The following SCFD2 variants were observed in gnomAD, a reference collection of about 807,000 sequenced individuals.
The protein encoded by SCFD2 is sec1 family domain-containing protein 2.
A neutral mutation model predicts 58.9 loss-of-function variants in SCFD2; 54 were observed. The ratio of observed to expected loss-of-function variants is 0.92; its 90% CI spans 0.74 to 1.15. The LOEUF (loss-of-function observed/expected upper bound fraction) is 1.15. Among genes scored for constraint, SCFD2 ranks in the 50% most tolerant of loss-of-function variants. The pLI is 0.00. For synonymous variants in SCFD2, 321 were observed against 335.9 expected, an observed-to-expected ratio of 0.96 and a Z score of 0.49; for missense variants, 805 against 836.6, an observed-to-expected ratio of 0.96 and a Z score of 0.47.
chr4:52,959,185 T>A (rs1263293632), intron 5 of SCFD2, among the ~76,000 whole-genome samples: 1 of 152,134 alleles, frequency 6.6e-6, no homozygotes, highest in Non-Finnish European at 1.5e-5. Context: ...GGACAGGGTG[T>A]CAAGAGGCTT....
At chr4:53,096,310 T>G (rs1046995390) in intron 5 of SCFD2, among the ~76,000 whole-genome samples, 2 of 152,214 alleles carry the variant, frequency 1.3e-5, no homozygotes, top group African/African-American at 4.8e-5. Context: ...TCCACAATGG[T>G]TGAACTAGTT....
intron 4 of SCFD2, among the ~76,000 whole-genome samples, chr4:53,181,398 C>A (rs1269865661): frequency 2.0e-5 from 3 of 152,138 alleles, no homozygotes; most frequent in Non-Finnish European, 4.4e-5. Context: ...GAACCAAAGA[C>A]AAAAACCACA....
chr4:52,982,329 G>A (rs1181490249), intron 5 of SCFD2, among the ~76,000 whole-genome samples: 2 of 152,180 alleles, frequency 1.3e-5, no homozygotes, highest in Admixed American at 1.3e-4. Context: ...TAGTTTGACT[G>A]CATAATGAAT....
chr4:53,323,323 C>G (rs546265915), intron 2 of SCFD2, among the ~76,000 whole-genome samples: 1 of 152,250 alleles, frequency 6.6e-6, no homozygotes, highest in African/African-American at 2.4e-5. Flanking sequence ...AACTACAGAA[C>G]AGTGTTGAAG....
intron 8 of SCFD2, among the ~76,000 whole-genome samples, chr4:52,881,206 T>A (rs1718602113): frequency 6.6e-6 from 1 of 152,258 alleles, no homozygotes. Flanking sequence ...CTATGTTTCA[T>A]GCTATTCTTG....
In SCFD2 at chr4:52,873,627, CT is replaced by C. The variant is rs752493109; in HGVS notation, c.*341del. 3 of 181,660 alleles carry C rather than the reference CT, an allele frequency of 1.7e-5. No homozygotes were observed. Among genetic ancestry groups the C allele is most frequent in the Non-Finnish European group, 3.4e-5 (3 of 87,072 alleles). 11.3% of individuals were successfully genotyped at this position (181,660 alleles called of 1,614,324 possible). A position where few individuals can be genotyped will look rare whatever the true frequency, so the allele number is the denominator to read the frequency against. On this transcript the variant is annotated 3_prime_UTR_variant, in exon 9 of 9. Transcript: ENST00000401642. ...TAAAAAGAGTTGTAATCTACCAACA[CT>C]TGCCAACAGGCTTTTATTTAGAACT...
chr4:53,106,746 C>T (rs1291998022), intron 5 of SCFD2, among the ~76,000 whole-genome samples: 3 of 152,030 alleles, frequency 2.0e-5, no homozygotes, highest in African/African-American at 7.2e-5. Flanking sequence ...TTTGATTGTA[C>T]CTGAAAGTGT....
At chr4:53,248,484 A>C (rs541198119) in intron 4 of SCFD2, among the ~76,000 whole-genome samples, 1 of 152,348 alleles carries the variant, frequency 6.6e-6, no homozygotes, top group East Asian at 1.9e-4. Context: ...ACAGACAAAC[A>C]AAAAGACAGC....
chr4:53,241,186 A>G (rs1324616970), intron 4 of SCFD2, among the ~76,000 whole-genome samples: 4 of 152,214 alleles, frequency 2.6e-5, no homozygotes, highest in Non-Finnish European at 5.9e-5. Flanking sequence ...ACCACCAAAG[A>G]CAAATGAGTT....
chr4:53,149,445 C>T (rs1726442428), intron 4 of SCFD2, among the ~76,000 whole-genome samples: 1 of 152,134 alleles, frequency 6.6e-6, no homozygotes, highest in Non-Finnish European at 1.5e-5. Context: ...AAATATATGT[C>T]AGTCCATATT....
intron 4 of SCFD2, among the ~76,000 whole-genome samples, chr4:53,248,203 G>C (rs1399888123): frequency 1.3e-5 from 2 of 152,220 alleles, no homozygotes; most frequent in Non-Finnish European, 2.9e-5. Context: ...CCCAAATACT[G>C]CGCTTTTCTG....
chr4:52,880,483 G>T (rs1202975837), intron 8 of SCFD2, among the ~76,000 whole-genome samples: 1 of 151,596 alleles, frequency 6.6e-6, no homozygotes, highest in Non-Finnish European at 1.5e-5. Flanking sequence ...CAGGAGTGGT[G>T]GTGGGCGCCT....
At chr4:53,303,220 T>C (rs1206647752) in intron 3 of SCFD2, among the ~76,000 whole-genome samples, 1 of 151,958 alleles carries the variant, frequency 6.6e-6, no homozygotes, top group African/African-American at 2.4e-5. Flanking sequence ...ATGGCTAATA[T>C]CCAGAATGTA....
At chr4:53,041,169 A>C (rs1170199113) in intron 5 of SCFD2, among the ~76,000 whole-genome samples, 3 of 152,148 alleles carry the variant, frequency 2.0e-5, no homozygotes, top group Non-Finnish European at 4.4e-5. Context: ...TGCTAATTAA[A>C]AGGGTTTATG....
chr4:53,302,449 G>A (rs1235960487), intron 3 of SCFD2, among the ~76,000 whole-genome samples: 1 of 152,262 alleles, frequency 6.6e-6, no homozygotes, highest in South Asian at 2.1e-4. Context: ...TGAAATAAAA[G>A]AGGACACAAA....
intron 3 of SCFD2, among the ~76,000 whole-genome samples, chr4:53,284,106 A>G (rs1485681698): frequency 2.0e-5 from 3 of 148,436 alleles, no homozygotes; most frequent in Non-Finnish European, 4.5e-5. Context: ...GCGACAGAGC[A>G]AGACTCCATC....
chr4:53,201,370 C>T (rs1728231811), intron 4 of SCFD2, among the ~76,000 whole-genome samples: 1 of 152,286 alleles, frequency 6.6e-6, no homozygotes, highest in South Asian at 2.1e-4. Flanking sequence ...TTTTTTATGG[C>T]TCCATAGTAT....
At chr4:53,218,826 G>C (rs1357400316) in intron 4 of SCFD2, among the ~76,000 whole-genome samples, 1 of 152,146 alleles carries the variant, frequency 6.6e-6, no homozygotes, top group Non-Finnish European at 1.5e-5. Flanking sequence ...TTTTGGTGTG[G>C]ATGTCCTTTC....
chr4:53,344,441 A>G (rs1279926050), intron 2 of SCFD2, among the ~76,000 whole-genome samples: 2 of 152,186 alleles, frequency 1.3e-5, no homozygotes, highest in Non-Finnish European at 2.9e-5. Flanking sequence ...TGCTCAACGA[A>G]ATAAAAGAGG....
Sources: allele counts gnomAD v4.1 joint callset (sites outside exome capture counted in the v4.1 genomes callset), GRCh38; gene constraint gnomAD v4.1.1; transcripts MANE v1.5; gene names NCBI Gene and HGNC (gene_info 2026-07-23, HGNC 2026-07-21).